Variants in PTPRD observed in about 807,000 individuals in gnomAD.
PTPRD encodes protein tyrosine phosphatase receptor type D.
In PTPRD, 34 loss-of-function variants were observed where a neutral mutation model predicts 214.5. That is an observed-to-expected ratio of 0.16 (90% CI 0.12 to 0.21). The LOEUF (loss-of-function observed/expected upper bound fraction) is 0.21, where lower values mean the gene tolerates loss of function less well. Among genes scored for constraint, PTPRD ranks in the 10% least tolerant of loss-of-function variants. The pLI is 1.00. For synonymous variants in PTPRD, 1,128 were observed against 845.7 expected (o/e 1.33, Z -5.79); for missense variants, 2,545 against 2,398.7 (o/e 1.06, Z -1.27).
chr9:8,476,443 T>C (rs2096766917), intron 30 of PTPRD, among the ~76,000 whole-genome samples: 1 of 152,158 alleles, frequency 6.6e-6, no homozygotes. Context: ...GCCCAGGGGT[T>C]GGAGATCTCT....
intron 3 of PTPRD, among the ~76,000 whole-genome samples, chr9:10,217,566 G>GA (rs1165293959): frequency 2.0e-5 from 3 of 151,860 alleles, no homozygotes; most frequent in African/African-American, 7.3e-5. Flanking sequence ...TCTACTGTAG[G>GA]AGGCCACCAC....
intron 8 of PTPRD, among the ~76,000 whole-genome samples, chr9:9,495,445 CCAAT>C (rs1225442732): frequency 2.0e-5 from 3 of 152,014 alleles, no homozygotes; most frequent in Admixed American, 2.0e-4. Context: ...TGCCTTTTTA[CCAAT>C]CAAATGTTGC....
At chr9:9,930,270 G>C (rs562806973) in intron 5 of PTPRD, among the ~76,000 whole-genome samples, 3 of 152,162 alleles carry the variant, frequency 2.0e-5, no homozygotes, top group East Asian at 1.9e-4. Flanking sequence ...TCACAGAATT[G>C]GGAATATCGA....
At chr9:8,991,414 T>C (rs1345826633) in intron 11 of PTPRD, among the ~76,000 whole-genome samples, 1 of 151,984 alleles carries the variant, frequency 6.6e-6, no homozygotes, top group Non-Finnish European at 1.5e-5. Flanking sequence ...CCCTACAAGG[T>C]GCTCAGTAAA....
At chr9:10,279,362 C>T (rs1215133645) in intron 3 of PTPRD, among the ~76,000 whole-genome samples, 1 of 152,084 alleles carries the variant, frequency 6.6e-6, no homozygotes, top group Non-Finnish European at 1.5e-5. Flanking sequence ...GGAAACAGAA[C>T]AGAAATGCAT....
At chr9:8,809,821 CCTT>C (rs144233962) in intron 11 of PTPRD, among the ~76,000 whole-genome samples, 3,866 of 152,256 alleles carry the variant, frequency 0.025, 63 homozygotes, top group Non-Finnish European at 0.037. Context: ...ACAAGTCTCT[CCTT>C]CTTAAAACAA....
intron 35 of PTPRD, among the ~76,000 whole-genome samples, chr9:8,405,410 T>C (rs1193635690): frequency 6.6e-6 from 1 of 152,124 alleles, no homozygotes; most frequent in Non-Finnish European, 1.5e-5. Flanking sequence ...TTTCTGATTT[T>C]ATCCCTTTCT....
At chr9:9,526,279 G>A (rs1182080009) in intron 8 of PTPRD, among the ~76,000 whole-genome samples, 2 of 152,078 alleles carry the variant, frequency 1.3e-5, no homozygotes, top group Non-Finnish European at 2.9e-5. Flanking sequence ...TATTAATGGT[G>A]CTTTTATGAC....
Position 8,438,218 on chromosome 9 carries a change from C to T in PTPRD, c.3989-1529G>A, listed in dbSNP as rs192361960. 2.3e-3 allele frequency among the ~76,000 whole-genome samples: 347 copies of T among 152,222 alleles called. 5 individuals carry two copies. The highest frequency in any genetic ancestry group is 1.9e-3 in the Non-Finnish European group (130 of 68,002). On this transcript the variant is annotated intron_variant, in intron 34 of 45. Coordinates refer to ENST00000381196, the MANE Select transcript of PTPRD (RefSeq NM_002839.4). ...ATTGTTAAAAGTCACCCAGTAAGTTCCTTTATCTCAAATGCCAAATTATTA... is the reference window on the plus strand; with the variant it reads ...ATTGTTAAAAGTCACCCAGTAAGTTTCTTTATCTCAAATGCCAAATTATTA...
At chr9:9,810,190 A>G (rs988096469) in intron 5 of PTPRD, among the ~76,000 whole-genome samples, 1 of 150,906 alleles carries the variant, frequency 6.6e-6, no homozygotes, top group South Asian at 2.1e-4. Context: ...TTTAAGAAGC[A>G]TTTTATTTTG....
intron 9 of PTPRD, among the ~76,000 whole-genome samples, chr9:9,284,362 A>C (rs2133767353): frequency 6.6e-6 from 1 of 151,772 alleles, no homozygotes; most frequent in Non-Finnish European, 1.5e-5. Flanking sequence ...TGGAGTCATG[A>C]ATAGACTCCT....
chr9:9,612,771 T>C (rs978369235), intron 7 of PTPRD, among the ~76,000 whole-genome samples: 6 of 152,134 alleles, frequency 3.9e-5, no homozygotes, highest in Middle Eastern at 3.2e-3. Flanking sequence ...GCTTGGACTA[T>C]TTTGATTCAT....
At chr9:10,062,451 C>A (rs2097791619) in intron 3 of PTPRD, among the ~76,000 whole-genome samples, 1 of 151,864 alleles carries the variant, frequency 6.6e-6, no homozygotes, top group Admixed American at 6.6e-5. Context: ...ACTAAAAATA[C>A]AAAAAATAGC....
chr9:8,451,018 C>A (rs893901162), intron 33 of PTPRD, among the ~76,000 whole-genome samples: 1 of 152,172 alleles, frequency 6.6e-6, no homozygotes, highest in Non-Finnish European at 1.5e-5. Flanking sequence ...ATTAGTGTTG[C>A]TGTGGCAATG....
At chr9:9,888,259 G>T (rs1321419826) in intron 5 of PTPRD, among the ~76,000 whole-genome samples, 1 of 152,146 alleles carries the variant, frequency 6.6e-6, no homozygotes, top group Non-Finnish European at 1.5e-5. Flanking sequence ...CCCAAGAAAG[G>T]TGTTCCTGTC....
At chr9:10,503,193 C>CAAAAAA (rs753847764) in intron 2 of PTPRD, among the ~76,000 whole-genome samples, 4,450 of 68,764 alleles carry the variant, frequency 0.065, 437 homozygotes, top group Admixed American at 0.18. Context: ...AGCTGCAATA[C>CAAAAAA]AAAAAAAAAA....
chr9:9,371,547 T>C (rs1446145164), intron 9 of PTPRD, among the ~76,000 whole-genome samples: 2 of 152,212 alleles, frequency 1.3e-5, no homozygotes, highest in Admixed American at 6.6e-5. Flanking sequence ...GTTTTGTTGA[T>C]CTTTTCAAAA....
intron 8 of PTPRD, among the ~76,000 whole-genome samples, chr9:9,541,641 T>C (rs973111190): frequency 4.6e-5 from 7 of 151,812 alleles, no homozygotes; most frequent in Admixed American, 1.3e-4. Flanking sequence ...GGCTTAGCTA[T>C]AGAACAAGCA....
chr9:9,911,309 T>TA (rs1264572418), intron 5 of PTPRD, among the ~76,000 whole-genome samples: 3 of 152,094 alleles, frequency 2.0e-5, no homozygotes, highest in Non-Finnish European at 2.9e-5. Context: ...CAAGAACTCT[T>TA]ACTTAGAGTC....
Sources: allele counts gnomAD v4.1 joint callset (sites outside exome capture counted in the v4.1 genomes callset), GRCh38; gene constraint gnomAD v4.1.1; transcripts MANE v1.5; gene names NCBI Gene and HGNC (gene_info 2026-07-23, HGNC 2026-07-21).